DCTN4: variants seen among roughly 807,000 people sequenced by gnomAD.
The protein encoded by DCTN4 is dynactin subunit 4, also known as dynactin 4 (p62).
Under a neutral mutation model 62.7 loss-of-function variants are expected in DCTN4, and 23 were observed. The observed-to-expected ratio is 0.37, with a 90% CI of 0.26 to 0.52. The LOEUF (loss-of-function observed/expected upper bound fraction) is 0.52, where lower values mean the gene tolerates loss of function less well. Among genes scored for constraint, DCTN4 ranks in the 20% least tolerant of loss-of-function variants. The pLI is 0.92. For synonymous variants in DCTN4, 199 were observed against 202.1 expected (o/e 0.98, Z 0.13); for missense variants, 514 against 580.4 (o/e 0.89, Z 1.18).
In DCTN4 at chr5:150,709,128, C is replaced by T. The variant is rs576355632; in HGVS notation, c.*2021G>A. On this transcript the variant is annotated 3_prime_UTR_variant, in exon 13 of 13. Coordinates refer to ENST00000447998, the MANE Select transcript of DCTN4 (RefSeq NM_016221.4). ...AGCTGCAGGTATTGAATCATTTCTA[C>T]GAACACACAGAATACTAGCTTACAC... The T allele has an allele frequency of 3.3e-5, 5 of 152,860 alleles. No homozygotes were observed. The East Asian group carries it at 5.6e-4, about 17-fold the overall frequency. The allele number at this position is 152,860 out of a possible 1,614,324, so 9.5% of individuals were successfully genotyped here.
intron 5 of DCTN4, among the ~76,000 whole-genome samples, chr5:150,732,944 T>C (rs956327951): frequency 1.3e-5 from 2 of 152,092 alleles, no homozygotes; most frequent in African/African-American, 4.8e-5. Context: ...GGGAGGATGT[T>C]AAAAAAATTA....
Position 150,751,509 on chromosome 5 carries a change from A to G in DCTN4, c.385+1970T>C, listed in dbSNP as rs78467790. On this transcript the variant is annotated intron_variant, in intron 3 of 12. Transcript: ENST00000447998. ...AAAAAGACACAAAATACAAACATGA[A>G]AAAACAATACTTTAGTTCACTGAGG... Among the ~76,000 whole-genome samples, 680 of 152,278 alleles carry G rather than the reference A, an allele frequency of 4.5e-3. 4 individuals carry two copies. The highest frequency in any genetic ancestry group is 0.016 in the African/African-American group (652 of 41,576).
At chr5:150,745,247 T>C (rs913683860) in intron 3 of DCTN4, among the ~76,000 whole-genome samples, 6 of 150,462 alleles carry the variant, frequency 4.0e-5, no homozygotes, top group African/African-American at 1.5e-4. Flanking sequence ...CTAACTATCC[T>C]AAATATATAT....
intron 1 of DCTN4, chr5:150,758,075 G>A (rs1344513528): frequency 2.0e-6 from 2 of 984,668 alleles, no homozygotes; most frequent in African/African-American, 1.7e-5. Context: ...TCTTCACTAA[G>A]ACTATGGCTT....
chr5:150,727,779 A>C (rs1452633676), intron 8 of DCTN4, among the ~76,000 whole-genome samples: 1 of 135,916 alleles, frequency 7.4e-6, no homozygotes, highest in African/African-American at 3.3e-5. Context: ...CCGTCTCAAA[A>C]AAAAAAAAAA....
At chr5:150,715,471 G>T in intron 12 of DCTN4, 94 bp downstream of exon 12, 1 of 928,342 alleles carries the variant, frequency 1.1e-6, no homozygotes, top group Non-Finnish European at 1.6e-6. Flanking sequence ...GAAGAAAAAA[G>T]TTATTTTAAA....
At chr5:150,728,360 A>G (rs1760230800) in intron 8 of DCTN4, among the ~76,000 whole-genome samples, 1 of 152,174 alleles carries the variant, frequency 6.6e-6, no homozygotes. Flanking sequence ...GTACTTGAAA[A>G]GAATGCATAT....
At chr5:150,753,910 T>G (rs1200662197) in intron 2 of DCTN4, among the ~76,000 whole-genome samples, 1 of 152,212 alleles carries the variant, frequency 6.6e-6, no homozygotes, top group African/African-American at 2.4e-5. Flanking sequence ...AGATGGAGTT[T>G]ATGATTCCAG....
chr5:150,753,385 C>A (rs1387159494), intron 3 of DCTN4, 94 bp downstream of exon 3: 4 of 1,123,944 alleles, frequency 3.6e-6, no homozygotes, highest in Non-Finnish European at 5.1e-6. Context: ...AATTTAGCTC[C>A]TATCGCCCCA....
At position 150,725,181 on chromosome 5, in the gene DCTN4, G is replaced by T. The variant is rs200714667; in HGVS notation, c.835-2201C>A. Among the ~76,000 whole-genome samples the T allele has an allele frequency of 1.0e-3, 139 of 136,834 alleles. 1 individual carries two copies. The East Asian group carries it at 0.022, about 22-fold the overall frequency. 89.8% of individuals were successfully genotyped at this position (136,834 alleles called of 152,430 possible). A position where few individuals can be genotyped will look rare whatever the true frequency, so the allele number is the denominator to read the frequency against. On this transcript the variant is annotated intron_variant, in intron 8 of 12. Transcript: ENST00000447998. ...TCAAAAAAAAAAAAAAAAAAAAAAA[G>T]TATCCCATATTAACACATTCTTTTA...
At chr5:150,755,214 T>TC (rs1472148855) in intron 2 of DCTN4, among the ~76,000 whole-genome samples, 2 of 152,166 alleles carry the variant, frequency 1.3e-5, no homozygotes, top group Admixed American at 6.5e-5. Context: ...AATCCCACTG[T>TC]CCTATAAGTA....
chr5:150,731,226 TCA>T, intron 6 of DCTN4, 70 bp from the exon 7 acceptor site: 3 of 1,115,634 alleles, frequency 2.7e-6, no homozygotes, highest in Non-Finnish European at 4.1e-6. Context: ...CTGATTATCC[TCA>T]GTCTATGATA....
intron 4 of DCTN4, 86 bp from the exon 5 acceptor site, chr5:150,733,561 GAATA>G (rs1344527132): frequency 2.4e-6 from 2 of 840,340 alleles, no homozygotes; most frequent in African/African-American, 3.4e-5. Flanking sequence ...GACACATAAT[GAATA>G]GAGAAGACAA....
chr5:150,746,068 GAGA>G (rs1467900479), intron 3 of DCTN4, among the ~76,000 whole-genome samples: 7 of 150,878 alleles, frequency 4.6e-5, no homozygotes, highest in African/African-American at 1.7e-4. Context: ...GAAAAAAAGA[GAGA>G]AGAATCAAAT....
chr5:150,722,037 G>A (rs1340317173), intron 9 of DCTN4, among the ~76,000 whole-genome samples: 1 of 152,118 alleles, frequency 6.6e-6, no homozygotes, highest in Admixed American at 6.6e-5. Flanking sequence ...TGTTGTCCAG[G>A]CTGGTCTTCA....
At chr5:150,719,608 C>T (rs1201374896) in intron 10 of DCTN4, 108 bp downstream of exon 10, 1 of 770,030 alleles carries the variant, frequency 1.3e-6, no homozygotes, top group Non-Finnish European at 2.2e-6. Context: ...CTTTTCTATC[C>T]CTTGCTCACT....
chr5:150,735,021 C>A (rs1760524337), intron 4 of DCTN4, among the ~76,000 whole-genome samples: 1 of 152,194 alleles, frequency 6.6e-6, no homozygotes, highest in African/African-American at 2.4e-5. Context: ...GATATGCCCC[C>A]ACCTGATGGT....
chr5:150,731,404 G>T lies in DCTN4; in HGVS notation c.611+12C>A. On this transcript the variant is annotated intron_variant, in intron 6 of 12. Coordinates refer to ENST00000447998, the MANE Select transcript of DCTN4 (RefSeq NM_016221.4). ...GCTGTTCTCCTCAAAGTCATTTCAT[G>T]TCTAAACTTACGAAAGTCCGGCAAG... The T allele has an allele frequency of 6.2e-7, 1 of 1,611,894 alleles. No homozygotes were observed. Among genetic ancestry groups the T allele is most frequent in the Non-Finnish European group, 8.5e-7 (1 of 1,178,460 alleles).
chr5:150,755,744 A>T (rs535222082), intron 2 of DCTN4, among the ~76,000 whole-genome samples: 1 of 152,166 alleles, frequency 6.6e-6, no homozygotes, highest in Non-Finnish European at 1.5e-5. Context: ...TGATATCCTG[A>T]AAAGAATCCT....
Sources: gnomAD v4.1 joint callset for allele counts (sites outside exome capture counted in the v4.1 genomes callset) on GRCh38, gnomAD v4.1.1 for gene constraint, MANE v1.5 for transcripts, NCBI Gene and HGNC (gene_info 2026-07-23, HGNC 2026-07-21) for gene names.